RASAL2: variants seen among roughly 807,000 people sequenced by gnomAD.
The protein encoded by RASAL2 is ras GTPase-activating protein nGAP.
Under a neutral mutation model 128.9 loss-of-function variants are expected in RASAL2, and 58 were observed. The observed-to-expected ratio is 0.45, with a 90% CI of 0.36 to 0.56. RASAL2 has a LOEUF of 0.56. Among genes scored for constraint, RASAL2 ranks in the 20% least tolerant of loss-of-function variants. The pLI is 0.00. For synonymous variants in RASAL2, 561 were observed against 580.8 expected (o/e 0.97, Z 0.49); for missense variants, 1,360 against 1,601.6 (o/e 0.85, Z 2.57).
chr1:178,315,010 G>A (rs1040718544), intron 3 of RASAL2, among the ~76,000 whole-genome samples: 5 of 145,312 alleles, frequency 3.4e-5, no homozygotes, highest in Admixed American at 7.1e-5. Context: ...TCATTGTTCA[G>A]TTCCCACCTG....
chr1:178,241,711 A>G (rs1664505905), intron 1 of RASAL2, among the ~76,000 whole-genome samples: 1 of 152,244 alleles, frequency 6.6e-6, no homozygotes, highest in African/African-American at 2.4e-5. Flanking sequence ...TGTGCAGATG[A>G]CATACCAACT....
intron 9 of RASAL2, among the ~76,000 whole-genome samples, chr1:178,447,673 TAAAAAAAAAAAAAAA>T (rs60358768): frequency 1.6e-4 from 9 of 56,038 alleles, no homozygotes; most frequent in African/African-American, 4.8e-4. Flanking sequence ...CTCCTTCTCT[TAAAAAAAAAAAAAAA>T]AAAAAAAAAA....
At chr1:178,223,185 T>A (rs1663669295) in intron 1 of RASAL2, among the ~76,000 whole-genome samples, 1 of 152,144 alleles carries the variant, frequency 6.6e-6, no homozygotes, top group African/African-American at 2.4e-5. Context: ...CTTGAGACAC[T>A]ATGGAGAATC....
At chr1:178,312,287 C>G (rs1373646224) in intron 3 of RASAL2, among the ~76,000 whole-genome samples, 5 of 152,054 alleles carry the variant, frequency 3.3e-5, no homozygotes, top group Non-Finnish European at 7.4e-5. Flanking sequence ...GACAGTCTTA[C>G]AAACCTGCAA....
At position 178,474,755 on chromosome 1, in the gene RASAL2, C is replaced by G. The variant is rs1008688979; in HGVS notation, c.*1516C>G. On this transcript the variant is annotated 3_prime_UTR_variant, in exon 18 of 18. Coordinates refer to ENST00000367649, the MANE Select transcript of RASAL2 (RefSeq NM_170692.4). Reference sequence around the variant, plus strand: ...CTGCACAAATAGGAAAAGTTCATGCCTTCTATGCTGTTCAGATATAATGTT... The same window carrying G: ...CTGCACAAATAGGAAAAGTTCATGCGTTCTATGCTGTTCAGATATAATGTT... 1.2e-4 allele frequency: 18 copies of G among 151,946 alleles called. No homozygotes were observed. Among genetic ancestry groups the G allele is most frequent in the African/African-American group, 4.4e-4 (18 of 41,366 alleles). 9.4% of individuals were successfully genotyped at this position (151,946 alleles called of 1,614,324 possible).
chr1:178,278,883 A>C (rs1221456563), intron 1 of RASAL2, among the ~76,000 whole-genome samples: 85 of 150,632 alleles, frequency 5.6e-4, no homozygotes, highest in African/African-American at 2.0e-3. Flanking sequence ...TTTGTCAAGT[A>C]ATATATCATG....
chr1:178,162,632 G>C (rs1401266363), intron 1 of RASAL2, among the ~76,000 whole-genome samples: 1 of 146,122 alleles, frequency 6.8e-6, no homozygotes, highest in African/African-American at 2.5e-5. Context: ...CTGTCACTCA[G>C]GCTGGAGTGC....
intron 1 of RASAL2, among the ~76,000 whole-genome samples, chr1:178,184,822 T>A (rs977265732): frequency 6.6e-6 from 1 of 152,122 alleles, no homozygotes; most frequent in East Asian, 1.9e-4. Context: ...TCATATAAAC[T>A]TTAGGGATAA....
intron 1 of RASAL2, among the ~76,000 whole-genome samples, chr1:178,189,152 C>G (rs961998381): frequency 6.6e-6 from 1 of 152,170 alleles, no homozygotes; most frequent in African/African-American, 2.4e-5. Context: ...TCCCAAACTA[C>G]TATTTTATGG....
At chr1:178,374,667 A>G (rs2102534477) in intron 3 of RASAL2, among the ~76,000 whole-genome samples, 1 of 152,212 alleles carries the variant, frequency 6.6e-6, no homozygotes, top group Middle Eastern at 3.4e-3. Context: ...GTGAAACTTA[A>G]TTTGGCCTTT....
At chr1:178,264,226 A>G (rs918618929) in intron 1 of RASAL2, among the ~76,000 whole-genome samples, 1 of 152,106 alleles carries the variant, frequency 6.6e-6, no homozygotes, top group African/African-American at 2.4e-5. Flanking sequence ...CCCTATCTCT[A>G]CCCGTTGCCT....
At chr1:178,200,525 G>A (rs529735049) in intron 1 of RASAL2, among the ~76,000 whole-genome samples, 1 of 152,160 alleles carries the variant, frequency 6.6e-6, no homozygotes, top group African/African-American at 2.4e-5. Context: ...GCTTCTAACT[G>A]CTGGCTTCAG....
intron 3 of RASAL2, among the ~76,000 whole-genome samples, chr1:178,342,974 AG>A (rs1669963654): frequency 2.0e-5 from 3 of 152,224 alleles, no homozygotes; most frequent in South Asian, 2.1e-4. Context: ...TGCCTAAAAA[AG>A]GTTGCTGCCC....
intron 5 of RASAL2, among the ~76,000 whole-genome samples, chr1:178,436,922 T>C (rs1333040711): frequency 6.6e-6 from 1 of 152,046 alleles, no homozygotes; most frequent in African/African-American, 2.4e-5. Context: ...GCCTCGTCTC[T>C]TTTCTATTGC....
intron 1 of RASAL2, among the ~76,000 whole-genome samples, chr1:178,262,876 A>G (rs533985268): frequency 1.7e-4 from 26 of 151,652 alleles, no homozygotes; most frequent in African/African-American, 6.0e-4. Context: ...AAATAGACCT[A>G]AATAACAGAA....
At chr1:178,288,639 TCTC>T (rs1667140339) in intron 2 of RASAL2, among the ~76,000 whole-genome samples, 1 of 139,028 alleles carries the variant, frequency 7.2e-6, no homozygotes, top group South Asian at 2.3e-4. Context: ...ATTCTTTCTC[TCTC>T]TTTTTTTTTT....
At chr1:178,213,668 A>G (rs1663329673) in intron 1 of RASAL2, among the ~76,000 whole-genome samples, 1 of 151,350 alleles carries the variant, frequency 6.6e-6, no homozygotes, top group African/African-American at 2.4e-5. Context: ...AATTTTATTT[A>G]TATGAATTAA....
At chr1:178,187,813 G>T (rs1284553887) in intron 1 of RASAL2, among the ~76,000 whole-genome samples, 1 of 152,098 alleles carries the variant, frequency 6.6e-6, no homozygotes, top group Admixed American at 6.5e-5. Context: ...CAGAAGTACA[G>T]TCATAGCTTC....
rs190883866 is a variant in RASAL2, at chr1:178,122,740, T to A, written c.202+28046T>A. ...TATATAAAATTATAGCTGGGATAAATGTAGTTTTTTTCACAAGGGAAAGAT... is the reference window on the plus strand; with the variant it reads ...TATATAAAATTATAGCTGGGATAAAAGTAGTTTTTTTCACAAGGGAAAGAT... On this transcript the variant is annotated intron_variant, in intron 1 of 17. Transcript: ENST00000367649. 1.7e-3 allele frequency among the ~76,000 whole-genome samples: 262 copies of A among 152,302 alleles called. No individual in the cohort carries two copies. In the Middle Eastern group the frequency reaches 0.027, roughly 16 times the overall value.
Sources: allele counts gnomAD v4.1 joint callset (sites outside exome capture counted in the v4.1 genomes callset), GRCh38; gene constraint gnomAD v4.1.1; transcripts MANE v1.5; gene names NCBI Gene and HGNC (gene_info 2026-07-23, HGNC 2026-07-21).